Variants in TNC observed in about 807,000 individuals in gnomAD.
TNC encodes the protein tenascin.
In TNC, 109 loss-of-function variants were observed where a neutral mutation model predicts 202.4. The observed-to-expected ratio is 0.54, with a 90% CI of 0.46 to 0.63. The LOEUF is 0.63. Among genes scored for constraint, TNC ranks in the 30% least tolerant of loss-of-function variants. The probability of loss-of-function intolerance (pLI) is 0.00; values close to 1 mark genes in which losing one functional copy is unlikely to be tolerated. For missense variants in TNC, 2,756 were observed against 2,833.3 expected (o/e 0.97, Z 0.62); for synonymous variants, 1,007 against 1,089.7 (o/e 0.92, Z 1.50).
In TNC at chr9:115,076,299, G is replaced by A; in HGVS notation, c.2860+91C>T. 37 of 1,486,282 alleles carry A rather than the reference G, an allele frequency of 2.5e-5. No homozygotes were observed. The South Asian group carries it at 4.4e-4, about 17-fold the overall frequency. The allele number at this position is 1,486,282 out of a possible 1,614,324, so 92.1% of individuals were successfully genotyped here. On this transcript the variant is annotated intron_variant, in intron 8 of 27. Transcript: ENST00000350763. ...CAGGAAATTGGACTTATTTCTGAGG[G>A]TTGCAAATGGGGACATGTGGGAGCA...
In TNC at chr9:115,046,716, A is replaced by T. The variant is rs764523100; in HGVS notation, c.4853-34T>A. On this transcript the variant is annotated intron_variant, in intron 16 of 27. Coordinates refer to ENST00000350763, the MANE Select transcript of TNC (RefSeq NM_002160.4). ...AGAGAAAATGGTGGGAGAAGGAGGA[A>T]AGACAACATCATTTACCAGTCCGTG... 11 of 1,609,052 alleles carry T rather than the reference A, an allele frequency of 6.8e-6. No individual in the cohort carries two copies. In the African/African-American group the frequency reaches 1.1e-4, roughly 16 times the overall value.
intron 15 of TNC, among the ~76,000 whole-genome samples, chr9:115,049,069 TAAG>T (rs1831441543): frequency 1.2e-5 from 1 of 86,538 alleles, no homozygotes; most frequent in African/African-American, 6.4e-5. Context: ...AGGGAGGAGG[TAAG>T]TTTTTTTTGT....
At chr9:115,054,571 T>G (rs1388838553) in intron 15 of TNC, among the ~76,000 whole-genome samples, 1 of 152,204 alleles carries the variant, frequency 6.6e-6, no homozygotes, top group Non-Finnish European at 1.5e-5. Context: ...CTCAGGTTCT[T>G]GAGGTCAGCT....
rs190134932 is a variant in TNC at position 115,029,603 on chromosome 9, C to A, written c.6073-147G>T. On this transcript the variant is annotated intron_variant, in intron 24 of 27. Transcript: ENST00000350763. ...TTTGCTATGTAACTTTGGGTGGTCACCTGCCCCTCCTTAAGTCTTGGTGTT... is the reference window on the plus strand; with the variant it reads ...TTTGCTATGTAACTTTGGGTGGTCAACTGCCCCTCCTTAAGTCTTGGTGTT... The A allele has an allele frequency of 1.1e-5, 8 of 718,776 alleles. No homozygotes were observed. The Admixed American group carries it at 1.9e-4, about 17-fold the overall frequency. 44.5% of individuals were successfully genotyped at this position (718,776 alleles called of 1,614,324 possible).
At chr9:115,062,033 G>C (rs1314758894) in intron 13 of TNC, among the ~76,000 whole-genome samples, 1 of 152,170 alleles carries the variant, frequency 6.6e-6, no homozygotes, top group Non-Finnish European at 1.5e-5. Context: ...TATCAGGTGG[G>C]TGTTAGTTGG....
intron 1 of TNC, among the ~76,000 whole-genome samples, chr9:115,110,096 G>A (rs1836925293): frequency 6.6e-6 from 1 of 152,128 alleles, no homozygotes; most frequent in Non-Finnish European, 1.5e-5. Flanking sequence ...GACAGTAAAA[G>A]GGCATCTAAT....
chr9:115,080,802 C>G (rs975242620), intron 6 of TNC, among the ~76,000 whole-genome samples: 1 of 151,534 alleles, frequency 6.6e-6, no homozygotes, highest in Non-Finnish European at 1.5e-5. Flanking sequence ...ATCCCAGCTA[C>G]TTGGGAGACT....
chr9:115,049,731 A>G (rs1352678416), intron 15 of TNC, among the ~76,000 whole-genome samples: 1 of 151,192 alleles, frequency 6.6e-6, no homozygotes, highest in East Asian at 1.9e-4. Context: ...AATTAGCTGC[A>G]TCTAGTTTAG....
Position 115,020,854 on chromosome 9 carries a change from C to T in TNC, c.*303G>A. ...TACCCCTGTACATCCTACCCCTCTC[C>T]CATTCCCAGAGCCACCTAAGAGAAG... is the stretch of plus-strand genomic sequence containing the variant. On this transcript the variant is annotated 3_prime_UTR_variant, in exon 28 of 28. Transcript: ENST00000350763. 2.9e-6 allele frequency: 1 copy of T among 349,742 alleles called. No individual in the cohort carries two copies. Among genetic ancestry groups the T allele is most frequent in the Non-Finnish European group, 5.3e-6 (1 of 189,492 alleles). 21.7% of individuals were successfully genotyped at this position (349,742 alleles called of 1,614,324 possible). A position where few individuals can be genotyped will look rare whatever the true frequency, so the allele number is the denominator to read the frequency against.
Position 115,091,050 on chromosome 9 carries a change from G to C in TNC, c.-32C>G. 1 of 1,538,308 alleles carries C rather than the reference G, an allele frequency of 6.5e-7. No individual in the cohort carries two copies. Among genetic ancestry groups the C allele is most frequent in the South Asian group, 1.1e-5 (1 of 88,746 alleles). On this transcript the variant is annotated 5_prime_UTR_variant, in exon 2 of 28. Coordinates refer to ENST00000350763, the MANE Select transcript of TNC (RefSeq NM_002160.4). Reference sequence around the variant, plus strand: ...GGTGGGTTTGGCTGGGTGCTGCTGGGGCTCTAGGGCTCTAGGGTATCTCAC... The same window carrying C: ...GGTGGGTTTGGCTGGGTGCTGCTGGCGCTCTAGGGCTCTAGGGTATCTCAC...
chr9:115,092,744 T>A (rs1835324125), intron 1 of TNC, among the ~76,000 whole-genome samples: 1 of 122,064 alleles, frequency 8.2e-6, no homozygotes, highest in African/African-American at 3.3e-5. Context: ...TGGCTGATTT[T>A]TTGTATTTTT....
rs772973297 is a variant in TNC at position 115,026,663 on chromosome 9, C to T, written c.6202G>A (p.Gly2068Arg). 6.2e-7 allele frequency: 1 copy of T among 1,613,758 alleles called. No individual in the cohort carries two copies. Among genetic ancestry groups the T allele is most frequent in the Admixed American group, 1.7e-5 (1 of 59,984 alleles). Residue 2068 changes from glycine (G) to arginine (R), a missense_variant, in exon 26 of 28, where the codon GGG becomes AGG. By Grantham distance (125) the Gly-to-Arg change is moderately radical (BLOSUM62 -2). Coordinates refer to ENST00000350763, the MANE Select transcript of TNC (RefSeq NM_002160.4). ...AGGTCCACCCGGAGCTCGTACTGCC[C>T]CTGGGCTGTGATTTTGTTCAGGTTG... ...LDNLNKITAQGQYELRVDLRD... is the reference protein window; with the variant it reads ...LDNLNKITAQRQYELRVDLRD...
chr9:115,021,266 C>T lies in TNC; in HGVS notation c.6497G>A (p.Gly2166Asp). 2 of 1,596,800 alleles carry T rather than the reference C, an allele frequency of 1.3e-6. No individual in the cohort carries two copies. Among genetic ancestry groups the T allele is most frequent in the Non-Finnish European group, 1.7e-6 (2 of 1,171,486 alleles). The change falls in exon 28 of 28, where the codon GGC becomes GAC. Residue 2166 changes from glycine to aspartate, a missense_variant and splice_region_variant. By Grantham distance (94) the Gly-to-Asp change is moderately conservative. Around this residue, in one of 2 missense-constraint regions of TNC, gnomAD observed 197 missense variants for 287.3 expected, o/e 0.69. Transcript: ENST00000350763. ...GRYGDNNHSQ[G>D]VNWFHWKGHE... The stretch of plus-strand genomic sequence containing the variant: ...GCCCTTCCAGTGGAACCAGTTAACG[C>T]CCTGTTAAAAAAAAAAAAGAGAGAG...
At chr9:115,098,143 A>C (rs1417299158) in intron 1 of TNC, among the ~76,000 whole-genome samples, 1 of 152,182 alleles carries the variant, frequency 6.6e-6, no homozygotes, top group African/African-American at 2.4e-5. Flanking sequence ...GTTAAGCTTT[A>C]ATCTTATTTC....
At chr9:115,085,676 C>T (rs192380872) in intron 3 of TNC, among the ~76,000 whole-genome samples, 188 bp downstream of exon 3, 440 of 152,272 alleles carry the variant, frequency 2.9e-3, no homozygotes, top group Non-Finnish European at 4.9e-3. Flanking sequence ...AAATAGGTCA[C>T]CTTGTAACAA....
At position 115,048,299 on chromosome 9, in the gene TNC, C is replaced by G; in HGVS notation, c.4813G>C (p.Gly1605Arg). ...YEVMVSGFTQ[G>R]HQTKPLRAEI... Reference sequence around the variant, plus strand: ...GCCCTCAAGGGCTTGGTTTGATGCCCTTGGGTGAAGCCAGAGACCATAACC... The same window carrying G: ...GCCCTCAAGGGCTTGGTTTGATGCCGTTGGGTGAAGCCAGAGACCATAACC... The change falls in exon 16 of 28, where the codon GGG becomes CGG. Residue 1605 changes from glycine to arginine, a missense_variant. Transcript: ENST00000350763. 1 of 1,614,018 alleles carries G rather than the reference C, an allele frequency of 6.2e-7. No homozygotes were observed. The highest frequency in any genetic ancestry group is 8.5e-7 in the Non-Finnish European group (1 of 1,179,934).
At chr9:115,068,514 C>A (rs1016190861) in intron 10 of TNC, among the ~76,000 whole-genome samples, 1 of 152,146 alleles carries the variant, frequency 6.6e-6, no homozygotes, top group South Asian at 2.1e-4. Flanking sequence ...CCTGACAACC[C>A]CAAAGGGTAT....
At chr9:115,069,770 C>T (rs191316176) in intron 10 of TNC, among the ~76,000 whole-genome samples, 146 of 13,126 alleles carry the variant, frequency 0.011, 44 homozygotes, top group Non-Finnish European at 0.015. Context: ...CTCCCTCCCT[C>T]CCTCCCTTCC....
chr9:115,063,855 G>A lies in TNC; in HGVS notation c.3701C>T (p.Thr1234Ile). The A allele has an allele frequency of 6.2e-7, 1 of 1,614,202 alleles. No individual in the cohort carries two copies. Among genetic ancestry groups the A allele is most frequent in the Non-Finnish European group, 8.5e-7 (1 of 1,180,026 alleles). ...GAAGTCCTGAGTGACCCCGCGGATG[G>A]TGATGGTATAATGAGTGGCTGCTTT... ...GLKAATHYTI[T>I]IRGVTQDFST... is the part of the protein sequence containing the mutation. Residue 1234 changes from threonine to isoleucine, a missense_variant, in exon 12 of 28, where the codon ACC becomes ATC. By Grantham distance (89) the Thr-to-Ile change is moderately conservative. Around this residue, in one of 2 missense-constraint regions of TNC, gnomAD observed 2,559 missense variants for 2,546.0 expected, o/e 1.01. Transcript: ENST00000350763.
Sources: allele counts gnomAD v4.1 joint callset (sites outside exome capture counted in the v4.1 genomes callset), GRCh38; gene constraint gnomAD v4.1.1; regional missense constraint gnomAD v4.1.1; transcripts MANE v1.5; gene names NCBI Gene and HGNC (gene_info 2026-07-23, HGNC 2026-07-21).